Variants in NKAIN2 observed in about 807,000 individuals in gnomAD.
NKAIN2 encodes sodium/potassium-transporting ATPase subunit beta-1-interacting protein 2.
Under a neutral mutation model 32.6 loss-of-function variants are expected in NKAIN2, and 14 were observed. The observed-to-expected ratio is 0.43, with a 90% CI of 0.28 to 0.67. The LOEUF (loss-of-function observed/expected upper bound fraction) is 0.67, where lower values mean the gene tolerates loss of function less well. Ranked by LOEUF, NKAIN2 falls within the 30% of genes least tolerant of loss-of-function variation. The pLI is 0.17. For missense variants in NKAIN2, 198 were observed against 258.3 expected (o/e 0.77, Z 1.60); for synonymous variants, 80 against 87.2 (o/e 0.92, Z 0.46).
intron 3 of NKAIN2, among the ~76,000 whole-genome samples, chr6:124,452,639 T>G (rs1461466694): frequency 6.6e-6 from 1 of 152,116 alleles, no homozygotes; most frequent in African/African-American, 2.4e-5. Context: ...CACTGGAATC[T>G]TTTATATCTA....
chr6:124,092,318 T>A (rs1435618442), intron 1 of NKAIN2, among the ~76,000 whole-genome samples: 1 of 152,058 alleles, frequency 6.6e-6, no homozygotes, highest in East Asian at 1.9e-4. Flanking sequence ...AGAACACATT[T>A]CTGTGCTTGG....
intron 3 of NKAIN2, among the ~76,000 whole-genome samples, chr6:124,648,365 G>A (rs558907342): frequency 6.6e-6 from 1 of 152,276 alleles, no homozygotes; most frequent in Non-Finnish European, 1.5e-5. Flanking sequence ...TTCCTGAGTT[G>A]TAGAAAATTT....
At chr6:124,691,213 A>T (rs1346244381) in intron 4 of NKAIN2, among the ~76,000 whole-genome samples, 1 of 152,122 alleles carries the variant, frequency 6.6e-6, no homozygotes, top group Non-Finnish European at 1.5e-5. Flanking sequence ...ACAATACTGG[A>T]TCACTTCTGC....
intron 1 of NKAIN2, among the ~76,000 whole-genome samples, chr6:123,900,103 A>G (rs1774486590): frequency 6.6e-6 from 1 of 152,164 alleles, no homozygotes; most frequent in African/African-American, 2.4e-5. Context: ...CCCGTTGTAC[A>G]CCAAAGCCCT....
chr6:124,220,450 C>CT (rs568778508), intron 1 of NKAIN2, among the ~76,000 whole-genome samples: 3 of 83,558 alleles, frequency 3.6e-5, no homozygotes, highest in African/African-American at 7.9e-5. Flanking sequence ...ATGCACTCTC[C>CT]TTTTTTTTCC....
intron 3 of NKAIN2, among the ~76,000 whole-genome samples, chr6:124,388,862 G>A (rs1773026398): frequency 6.6e-6 from 1 of 151,878 alleles, no homozygotes; most frequent in Non-Finnish European, 1.5e-5. Flanking sequence ...TTTTGTCAGT[G>A]ATTTTCCTGA....
At chr6:124,008,299 G>C (rs569501073) in intron 1 of NKAIN2, among the ~76,000 whole-genome samples, 8 of 152,168 alleles carry the variant, frequency 5.3e-5, no homozygotes, top group African/African-American at 1.9e-4. Context: ...TCCTAGCAAC[G>C]AAAGAGTAGA....
In NKAIN2 at chr6:124,527,956, A is replaced by G. The variant is rs577749602; in HGVS notation, c.274-130230A>G. Among the ~76,000 whole-genome samples, 222 of 152,340 alleles carry G rather than the reference A, an allele frequency of 1.5e-3. 1 individual carries two copies. The highest frequency in any genetic ancestry group is 5.0e-3 in the African/African-American group (209 of 41,566). On this transcript the variant is annotated intron_variant, in intron 3 of 6. Transcript: ENST00000368417. ...ACTTGGCACCTAGAACATAAGGCAG[A>G]GAGTGGCAAATAATGAAGTTGGAGG...
At chr6:123,860,141 G>A (rs1775725556) in intron 1 of NKAIN2, among the ~76,000 whole-genome samples, 1 of 152,138 alleles carries the variant, frequency 6.6e-6, no homozygotes, top group Non-Finnish European at 1.5e-5. Context: ...CTCTCTAAAA[G>A]TACAAGATGT....
intron 3 of NKAIN2, among the ~76,000 whole-genome samples, chr6:124,424,427 T>C (rs1774893334): frequency 1.3e-5 from 2 of 149,674 alleles, no homozygotes; most frequent in Non-Finnish European, 1.5e-5. Flanking sequence ...ACTTAATATC[T>C]ACCATCTTAG....
At chr6:124,649,087 CA>C (rs1237066466) in intron 3 of NKAIN2, among the ~76,000 whole-genome samples, 1 of 151,584 alleles carries the variant, frequency 6.6e-6, no homozygotes, top group Non-Finnish European at 1.5e-5. Flanking sequence ...AAAAAAAGAG[CA>C]AAGGAAATCC....
At chr6:124,098,875 AAAT>A (rs963835092) in intron 1 of NKAIN2, among the ~76,000 whole-genome samples, 5 of 151,744 alleles carry the variant, frequency 3.3e-5, no homozygotes, top group South Asian at 2.1e-4. Context: ...GTTTCAAGAA[AAAT>A]AATAATAATA....
intron 4 of NKAIN2, among the ~76,000 whole-genome samples, chr6:124,666,769 A>T (rs1772817232): frequency 6.6e-6 from 1 of 152,084 alleles, no homozygotes; most frequent in Non-Finnish European, 1.5e-5. Context: ...TAATATTCTC[A>T]GGTATTCCCT....
intron 4 of NKAIN2, among the ~76,000 whole-genome samples, chr6:124,770,650 T>C (rs1297377837): frequency 6.6e-6 from 1 of 152,204 alleles, no homozygotes; most frequent in Non-Finnish European, 1.5e-5. Context: ...CTTTTCTTTT[T>C]ACTACCTGAA....
chr6:124,724,849 A>G (rs891799256), intron 4 of NKAIN2, among the ~76,000 whole-genome samples: 17 of 152,198 alleles, frequency 1.1e-4, no homozygotes, highest in African/African-American at 3.9e-4. Context: ...TGGCCCATAA[A>G]TATGTTCACA....
At chr6:124,724,934 C>G (rs1029615529) in intron 4 of NKAIN2, among the ~76,000 whole-genome samples, 18 of 152,118 alleles carry the variant, frequency 1.2e-4, no homozygotes, top group Non-Finnish European at 8.8e-5. Context: ...GAGTTGATCC[C>G]TTTTAATCAC....
chr6:124,121,081 T>A (rs980855863), intron 1 of NKAIN2, among the ~76,000 whole-genome samples: 1 of 152,136 alleles, frequency 6.6e-6, no homozygotes, highest in African/African-American at 2.4e-5. Context: ...CCTGAAATCT[T>A]TTCTGCAAAC....
intron 1 of NKAIN2, among the ~76,000 whole-genome samples, chr6:123,810,110 G>A (rs1343408688): frequency 1.3e-5 from 2 of 151,816 alleles, no homozygotes; most frequent in South Asian, 2.1e-4. Flanking sequence ...GTAATCCTAT[G>A]AGGCAGGTAA....
At chr6:124,472,528 C>T (rs596382) in intron 3 of NKAIN2, among the ~76,000 whole-genome samples, 117,148 of 151,842 alleles carry the variant, frequency 0.77, 45,299 homozygotes, top group African/African-American at 0.8. Context: ...CACCAGGAAA[C>T]GGGGAGGAAG....
Sources: allele counts gnomAD v4.1 joint callset (sites outside exome capture counted in the v4.1 genomes callset), GRCh38; gene constraint gnomAD v4.1.1; transcripts MANE v1.5; gene names NCBI Gene and HGNC (gene_info 2026-07-23, HGNC 2026-07-21).